The following LRRC37A2 variants were observed in gnomAD, a reference collection of about 807,000 sequenced individuals.
LRRC37A2 encodes leucine-rich repeat-containing protein 37A2.
Under a neutral mutation model 68.8 loss-of-function variants are expected in LRRC37A2, and 9 were observed. The ratio of observed to expected loss-of-function variants is 0.13; its 90% CI spans 0.08 to 0.23. The LOEUF (loss-of-function observed/expected upper bound fraction) is 0.23. LRRC37A2 is among the 10% of genes least tolerant of loss of function. LRRC37A2 has a pLI of 1.00. For missense variants in LRRC37A2, 168 were observed against 950.4 expected, an observed-to-expected ratio of 0.18 and a Z score of 10.82; for synonymous variants, 63 against 367.6, an observed-to-expected ratio of 0.17 and a Z score of 9.48.
chr17:46,889,090 C>T, the LRRC37A2 span, among the ~76,000 whole-genome samples: 5 of 152,154 alleles, frequency 3.3e-5, no homozygotes, highest in Non-Finnish European at 7.4e-5. Flanking sequence ...ACCATTTCTT[C>T]TGACTCTGCA....
At chr17:46,965,926 T>C in the LRRC37A2 span, among the ~76,000 whole-genome samples, 4 of 152,088 alleles carry the variant, frequency 2.6e-5, no homozygotes, top group Non-Finnish European at 5.9e-5. Context: ...CCACTGTGCC[T>C]GGCTGCTATG....
At chr17:46,980,357 T>C in the LRRC37A2 span, among the ~76,000 whole-genome samples, 100 of 146,354 alleles carry the variant, frequency 6.8e-4, no homozygotes, top group African/African-American at 2.4e-3. Context: ...CCTTCCTTCT[T>C]CTTTCTTTCT....
chr17:46,486,619 AG>A, the LRRC37A2 span, among the ~76,000 whole-genome samples: 1 of 25,536 alleles, frequency 3.9e-5, no homozygotes, highest in Non-Finnish European at 8.4e-5. Context: ...ACAGTGCATA[AG>A]GGTTCTGATT....
the LRRC37A2 span, chr17:46,704,726 A>T: frequency 6.3e-7 from 1 of 1,593,848 alleles, no homozygotes; most frequent in Non-Finnish European, 8.5e-7. Context: ...TAAATCTTGG[A>T]AGTCCTTACA....
the LRRC37A2 span, among the ~76,000 whole-genome samples, chr17:46,779,055 A>ACT: frequency 3.0e-3 from 228 of 76,718 alleles, 4 homozygotes; most frequent in East Asian, 0.041. Flanking sequence ...CTACCCCATC[A>ACT]CACACACACA....
chr17:46,638,621 T>A, the LRRC37A2 span, among the ~76,000 whole-genome samples: 1 of 133,356 alleles, frequency 7.5e-6, no homozygotes, highest in Non-Finnish European at 1.5e-5. Flanking sequence ...AGGTGATCCA[T>A]CCGCCTTGAC....
chr17:46,534,107 A>C (rs1422235179), intron 6 of LRRC37A2, among the ~76,000 whole-genome samples: 38 of 142,788 alleles, frequency 2.7e-4, no homozygotes, highest in Non-Finnish European at 4.8e-4. Flanking sequence ...TCCACCTCCC[A>C]GGCTTAAGCA....
At chr17:46,832,521 T>C in the LRRC37A2 span, among the ~76,000 whole-genome samples, 4 of 151,286 alleles carry the variant, frequency 2.6e-5, no homozygotes, top group African/African-American at 9.7e-5. Flanking sequence ...CAGTTGGCTT[T>C]AAGCACCGAG....
chr17:46,506,322 AC>A, the LRRC37A2 span, among the ~76,000 whole-genome samples: 1 of 74,018 alleles, frequency 1.4e-5, no homozygotes, highest in African/African-American at 8.0e-5. Context: ...TCTGTACCAA[AC>A]CTTTTTTGTT....
At chr17:46,820,206 G>C in the LRRC37A2 span, among the ~76,000 whole-genome samples, 1 of 152,230 alleles carries the variant, frequency 6.6e-6, no homozygotes, top group South Asian at 2.1e-4. Flanking sequence ...GCACGCGGCT[G>C]CTGCCGGCAC....
chr17:46,802,783 C>T, the LRRC37A2 span, among the ~76,000 whole-genome samples: 1 of 152,168 alleles, frequency 6.6e-6, no homozygotes, highest in Admixed American at 6.5e-5. Flanking sequence ...CTGGGAAGGG[C>T]GTGGAAGCTC....
chr17:46,768,246 A>T, the LRRC37A2 span: 1 of 1,605,858 alleles, frequency 6.2e-7, no homozygotes, highest in African/African-American at 1.3e-5. This position sits in a 1 kb window ranked among gnomAD's most constrained non-coding sequence, Gnocchi z 5.0. Flanking sequence ...AGAAGACGAG[A>T]TGGGCAAACA....
At chr17:46,723,607 A>T in the LRRC37A2 span, among the ~76,000 whole-genome samples, 1 of 152,184 alleles carries the variant, frequency 6.6e-6, no homozygotes, top group African/African-American at 2.4e-5. Flanking sequence ...TGTACTCATG[A>T]TCCATTTTCA....
chr17:46,754,181 A>G, the LRRC37A2 span, among the ~76,000 whole-genome samples: 2 of 149,088 alleles, frequency 1.3e-5, no homozygotes, highest in South Asian at 2.1e-4. Flanking sequence ...GAACTTGACA[A>G]TTGATTCATA....
the LRRC37A2 span, among the ~76,000 whole-genome samples, chr17:46,896,452 A>AAGAAAGAAAGAAAAAGAAAGAAAG: frequency 7.6e-5 from 5 of 65,870 alleles, no homozygotes; most frequent in African/African-American, 2.6e-4. Flanking sequence ...GAAAGAAAGA[A>AAGAAAGAAAGAAAAAGAAAGAAAG]AAAGAAAGAA....
chr17:46,961,472 C>T, the LRRC37A2 span, among the ~76,000 whole-genome samples: 1 of 152,062 alleles, frequency 6.6e-6, no homozygotes, highest in Non-Finnish European at 1.5e-5. Flanking sequence ...GAGTTCGAGG[C>T]TGCAGTGAGC....
At chr17:46,998,470 C>T in the LRRC37A2 span, among the ~76,000 whole-genome samples, 4 of 152,222 alleles carry the variant, frequency 2.6e-5, no homozygotes, top group Admixed American at 6.5e-5. Context: ...CCTGTATCAA[C>T]ACCACCATGC....
intron 6 of LRRC37A2, among the ~76,000 whole-genome samples, chr17:46,532,315 G>C (rs1358417470): frequency 1.3e-5 from 2 of 150,258 alleles, no homozygotes; most frequent in Non-Finnish European, 2.9e-5. Context: ...CGTTGAATTT[G>C]GTTTGCCAGA....
chr17:46,907,748 G>A, the LRRC37A2 span, among the ~76,000 whole-genome samples: 4,724 of 145,714 alleles, frequency 0.032, 87 homozygotes, highest in Middle Eastern at 0.072. Context: ...GCTACTCAGC[G>A]GGGGGGGTGA....
Sources: allele counts gnomAD v4.1 joint callset (sites outside exome capture counted in the v4.1 genomes callset), GRCh38; gene constraint gnomAD v4.1.1; non-coding constraint Gnocchi (gnomAD v3.1); transcripts MANE v1.5; gene names NCBI Gene and HGNC (gene_info 2026-07-23, HGNC 2026-07-21).